The following CUBN variants were observed in gnomAD, a reference collection of about 807,000 sequenced individuals.
CUBN encodes cubilin, also known as 460 kDa receptor.
Under a neutral mutation model 405.3 loss-of-function variants are expected in CUBN, and 282 were observed. The ratio of observed to expected loss-of-function variants is 0.70; its 90% CI spans 0.63 to 0.77. The LOEUF (loss-of-function observed/expected upper bound fraction) is 0.77. CUBN is among the 30% of genes least tolerant of loss of function. CUBN has a pLI of 0.00. For synonymous variants in CUBN, 1,684 were observed against 1,617.0 expected (o/e 1.04, Z -0.99); for missense variants, 4,514 against 4,475.2 (o/e 1.01, Z -0.25).
chr10:16,883,310 G>C (rs910417639), intron 56 of CUBN, among the ~76,000 whole-genome samples: 7 of 152,164 alleles, frequency 4.6e-5, no homozygotes, highest in African/African-American at 1.7e-4. Flanking sequence ...AAGCAAATTG[G>C]AGTGTAACAC....
chr10:16,898,627 C>T lies in CUBN; in HGVS notation c.8598+369G>A, dbSNP rs117226134. Among the ~76,000 whole-genome samples the T allele has an allele frequency of 1.2e-4, 19 of 152,210 alleles. No homozygotes were observed. The East Asian group carries it at 3.3e-3, about 26-fold the overall frequency. ...TTGAAAGAGCTTTGCTCTCCTGATGCCCCATTCCCATCATTTTTACATGGC... is the reference window on the plus strand; with the variant it reads ...TTGAAAGAGCTTTGCTCTCCTGATGTCCCATTCCCATCATTTTTACATGGC... On this transcript the variant is annotated intron_variant, in intron 54 of 66. Transcript: ENST00000377833.
intron 64 of CUBN, among the ~76,000 whole-genome samples, chr10:16,831,769 G>A (rs1311945368): frequency 1.3e-5 from 2 of 152,176 alleles, no homozygotes; most frequent in African/African-American, 2.4e-5. Flanking sequence ...ATTTTTAAAA[G>A]GTGGAGATGG....
In CUBN at chr10:16,903,652, TTAA is replaced by T. The variant is rs200392227; in HGVS notation, c.8062+311_8062+313del. Among the ~76,000 whole-genome samples the T allele has an allele frequency of 6.0e-3, 879 of 147,582 alleles. 14 individuals are homozygous for T. Among genetic ancestry groups the T allele is most frequent in the East Asian group, 0.048 (247 of 5,130 alleles). ...TAAAATTATTAAATAATAATTATTA[TTAA>T]TAATTATTTATTATTATTAATTATT... On this transcript the variant is annotated intron_variant, in intron 51 of 66. Coordinates refer to ENST00000377833, the MANE Select transcript of CUBN (RefSeq NM_001081.4).
intron 14 of CUBN, among the ~76,000 whole-genome samples, 170 bp from the exon 15 acceptor site, chr10:17,088,515 A>C (rs1836179021): frequency 6.6e-6 from 1 of 152,226 alleles, no homozygotes; most frequent in Non-Finnish European, 1.5e-5. Flanking sequence ...ATAAAGTTAC[A>C]AGTCTAGAAG....
At chr10:16,893,945 G>T (rs193037557) in intron 54 of CUBN, among the ~76,000 whole-genome samples, 193 of 152,260 alleles carry the variant, frequency 1.3e-3, no homozygotes, top group Non-Finnish European at 1.7e-3. Context: ...TGTAGTGATA[G>T]CTCACTGTGG....
chr10:16,947,666 T>A (rs924135531), intron 35 of CUBN, among the ~76,000 whole-genome samples: 1 of 152,212 alleles, frequency 6.6e-6, no homozygotes, highest in African/African-American at 2.4e-5. Context: ...CTACAGCCAC[T>A]TGGCTTTTGT....
intron 27 of CUBN, among the ~76,000 whole-genome samples, chr10:17,025,879 T>C (rs1834649002): frequency 6.6e-6 from 1 of 151,948 alleles, no homozygotes; most frequent in Admixed American, 6.6e-5. Context: ...AAGCATGCTG[T>C]GTGTGTGGAA....
At position 16,987,305 on chromosome 10, in the gene CUBN, C is replaced by T. The variant is rs558367526; in HGVS notation, c.4351-3026G>A. Among the ~76,000 whole-genome samples, 11 of 152,282 alleles carry T rather than the reference C, an allele frequency of 7.2e-5. No homozygotes were observed. The South Asian group carries it at 2.3e-3, about 32-fold the overall frequency. ...AAAGAATTTCAGGGCATGGTTCATT[C>T]AACTACAGCATATGACTAAACTTTG... On this transcript the variant is annotated intron_variant, in intron 29 of 66. Transcript: ENST00000377833.
chr10:17,046,123 T>C, intron 23 of CUBN, 29 bp from the exon 24 acceptor site: 1 of 1,597,578 alleles, frequency 6.3e-7, no homozygotes, highest in Non-Finnish European at 8.6e-7. Flanking sequence ...TAAAATTTAT[T>C]GGGTTACTGA....
chr10:16,867,944 T>C (rs1840235137), intron 59 of CUBN, among the ~76,000 whole-genome samples: 3 of 152,134 alleles, frequency 2.0e-5, no homozygotes, highest in South Asian at 2.1e-4. Context: ...GAGACTATAT[T>C]AGGAAAAAGA....
At chr10:16,993,128 AT>A (rs903749719) in intron 28 of CUBN, among the ~76,000 whole-genome samples, 55 of 152,134 alleles carry the variant, frequency 3.6e-4, no homozygotes, top group Non-Finnish European at 3.8e-4. Flanking sequence ...TGTTACTGAA[AT>A]TTTTTTCTCA....
intron 59 of CUBN, among the ~76,000 whole-genome samples, chr10:16,864,614 A>G (rs1840112955): frequency 6.6e-6 from 1 of 151,408 alleles, no homozygotes; most frequent in Non-Finnish European, 1.5e-5. Flanking sequence ...GATATCATGC[A>G]TCAATCAGCT....
At chr10:16,915,196 A>G (rs1841850397) in intron 46 of CUBN, 24 bp from the exon 47 acceptor site, 5 of 1,612,996 alleles carry the variant, frequency 3.1e-6, no homozygotes, top group Non-Finnish European at 4.2e-6. Flanking sequence ...ATAATTAAAT[A>G]TACATGTCCA....
intron 7 of CUBN, 140 bp from the exon 8 acceptor site, chr10:17,114,329 T>C: frequency 1.2e-6 from 1 of 837,908 alleles, no homozygotes; most frequent in African/African-American, 1.7e-5. Flanking sequence ...CTCTTTTTCT[T>C]CCCATATGAT....
At chr10:17,091,049 T>C (rs1287840997) in intron 14 of CUBN, among the ~76,000 whole-genome samples, 1 of 152,110 alleles carries the variant, frequency 6.6e-6, no homozygotes, top group Non-Finnish European at 1.5e-5. Flanking sequence ...AAGTCAGAGC[T>C]CTTTAGGGAA....
At chr10:17,113,945 C>T in intron 8 of CUBN, 82 bp downstream of exon 8, 2 of 1,352,284 alleles carry the variant, frequency 1.5e-6, no homozygotes, top group South Asian at 2.5e-5. Context: ...TGTCTTCTTA[C>T]TCATCAATAG....
rs147781231 is a variant in CUBN, at chr10:16,958,944, CT to C, written c.4696-4397del. On this transcript the variant is annotated intron_variant, in intron 31 of 66. Coordinates refer to ENST00000377833, the MANE Select transcript of CUBN (RefSeq NM_001081.4). ...AGCTGCCAGCAAGTTACAGCCGGGTCTCTCTGCTTCAAGGTGGTACCTTGAA... is the reference window on the plus strand; with the variant it reads ...AGCTGCCAGCAAGTTACAGCCGGGTCCTCTGCTTCAAGGTGGTACCTTGAA... 1.1e-4 allele frequency among the ~76,000 whole-genome samples: 16 copies of C among 152,336 alleles called. No homozygotes were observed. In the East Asian group the frequency reaches 3.1e-3, roughly 29 times the overall value.
chr10:16,914,025 A>G (rs948526046), intron 47 of CUBN, 33 bp from the exon 48 acceptor site: 9 of 1,609,532 alleles, frequency 5.6e-6, no homozygotes, highest in South Asian at 3.3e-5. Flanking sequence ...AAAACTTTCA[A>G]TCAAATCAAA....
intron 19 of CUBN, among the ~76,000 whole-genome samples, chr10:17,069,602 G>A (rs944966331): frequency 1.3e-5 from 2 of 152,124 alleles, no homozygotes; most frequent in Non-Finnish European, 2.9e-5. Context: ...AGGGTGCAAT[G>A]GCACAATCAT....
Sources: allele counts gnomAD v4.1 joint callset (sites outside exome capture counted in the v4.1 genomes callset), GRCh38; gene constraint gnomAD v4.1.1; transcripts MANE v1.5; gene names NCBI Gene and HGNC (gene_info 2026-07-23, HGNC 2026-07-21).